Variants in TNRC6A observed in about 807,000 individuals in gnomAD.
The protein encoded by TNRC6A is trinucleotide repeat-containing gene 6A protein.
In TNRC6A, 44 loss-of-function variants were observed where a neutral mutation model predicts 221.2. That is an observed-to-expected ratio of 0.20 (90% CI 0.16 to 0.26). The LOEUF (loss-of-function observed/expected upper bound fraction) is 0.26. Among genes scored for constraint, TNRC6A ranks in the 10% least tolerant of loss-of-function variants. The pLI is 1.00. For missense variants in TNRC6A, 2,199 were observed against 2,404.4 expected, an observed-to-expected ratio of 0.91 and a Z score of 1.79; for synonymous variants, 847 against 838.5, an observed-to-expected ratio of 1.01 and a Z score of -0.18.
chr16:24,804,790 C>T lies in TNRC6A; in HGVS notation c.3923C>T (p.Pro1308Leu). ...CTTCCCCCTTCAAATAGTGCACTAC[C>T]TAACCAGGCCCTTGGCTCCATAGCA... is the stretch of plus-strand genomic sequence containing the variant. Reference protein sequence around the residue: ...MKLPPSNSALPNQALGSIAGL... With the variant: ...MKLPPSNSALLNQALGSIAGL... Residue 1308 changes from proline (P) to leucine (L), a missense_variant, in exon 13 of 25, where the codon CCT (proline) becomes CTT (leucine). Pro to Leu is a moderately conservative substitution (Grantham distance 98). Transcript: ENST00000395799. 1.9e-6 allele frequency: 3 copies of T among 1,611,492 alleles called. No individual in the cohort carries two copies. The highest frequency in any genetic ancestry group is 1.7e-6 in the Non-Finnish European group (2 of 1,179,472).
Position 24,804,799 on chromosome 16 carries a change from C to G in TNRC6A, c.3932C>G (p.Ala1311Gly), listed in dbSNP as rs761363682. 2 of 1,612,086 alleles carry G rather than the reference C, an allele frequency of 1.2e-6. No individual in the cohort carries two copies. Residue 1311 changes from alanine (A) to glycine (G), a missense_variant, in exon 13 of 25, where the codon GCC becomes GGC. By Grantham distance (60) the Ala-to-Gly change is moderately conservative. This residue lies in a region of TNRC6A where 158 missense variants were observed against 159.1 expected (regional missense o/e 0.99). Coordinates refer to ENST00000395799, the MANE Select transcript of TNRC6A (RefSeq NM_014494.4). ...PPSNSALPNQALGSIAGLGMQ... is the reference protein window; with the variant it reads ...PPSNSALPNQGLGSIAGLGMQ... ...TCAAATAGTGCACTACCTAACCAGG[C>G]CCTTGGCTCCATAGCAGGGCTGGGT...
chr16:24,758,211 A>C (rs568930842), intron 3 of TNRC6A, 128 bp from the exon 4 acceptor site: 1 of 889,944 alleles, frequency 1.1e-6, no homozygotes. Context: ...CAGTTCATCT[A>C]TTTGAGAAAT....
chr16:24,789,256 C>G lies in TNRC6A; in HGVS notation c.614C>G (p.Ser205Cys). The change falls in exon 6 of 25, where the codon TCC (serine) becomes TGC (cysteine). Residue 205 changes from serine (S) to cysteine (C), a missense_variant. Coordinates refer to ENST00000395799, the MANE Select transcript of TNRC6A (RefSeq NM_014494.4). The part of the protein sequence containing the change: ...QSDINHSTSG[S>C]HYENSQRGPV... ...GATATAAACCACAGTACTTCAGGAT[C>G]CCATTATGAAAATTCCCAGCGGGGA... The G allele has an allele frequency of 7.5e-6, 12 of 1,607,116 alleles. No individual in the cohort carries two copies. The highest frequency in any genetic ancestry group is 1.0e-5 in the Non-Finnish European group (12 of 1,176,320).
intron 14 of TNRC6A, 161 bp from the exon 15 acceptor site, chr16:24,805,444 G>T: frequency 9.3e-7 from 1 of 1,079,962 alleles, no homozygotes; most frequent in Non-Finnish European, 1.3e-6. Flanking sequence ...CCACGAAAAA[G>T]TGTAAGTGAG....
intron 15 of TNRC6A, 93 bp downstream of exon 15, chr16:24,805,826 C>G: frequency 1.3e-6 from 2 of 1,506,950 alleles, no homozygotes; most frequent in East Asian, 2.3e-5. Flanking sequence ...GTGCACTAAA[C>G]AAAACAGGCG....
At chr16:24,810,722 G>A (rs910878050) in intron 18 of TNRC6A, among the ~76,000 whole-genome samples, 1 of 152,166 alleles carries the variant, frequency 6.6e-6, no homozygotes, top group Non-Finnish European at 1.5e-5. Context: ...AGATGGAATA[G>A]TAGGTGTGGT....
chr16:24,781,668 T>C (rs1240984328), intron 5 of TNRC6A, among the ~76,000 whole-genome samples: 1 of 152,138 alleles, frequency 6.6e-6, no homozygotes, highest in African/African-American at 2.4e-5. Context: ...CTCTTTGTGT[T>C]GCCCCGTACC....
chr16:24,711,662 A>G (rs1176670414), intron 2 of TNRC6A, among the ~76,000 whole-genome samples: 2 of 144,122 alleles, frequency 1.4e-5, no homozygotes, highest in African/African-American at 5.5e-5. Context: ...GTATTTAAAT[A>G]GTTCCTTTTT....
chr16:24,714,532 C>T (rs2056276085), intron 2 of TNRC6A, among the ~76,000 whole-genome samples: 1 of 151,762 alleles, frequency 6.6e-6, no homozygotes. Flanking sequence ...GTCTCGATCT[C>T]CTGACCTGGT....
intron 18 of TNRC6A, among the ~76,000 whole-genome samples, chr16:24,811,786 A>G (rs984347209): frequency 2.0e-5 from 3 of 152,006 alleles, no homozygotes; most frequent in Non-Finnish European, 4.4e-5. Flanking sequence ...AAGCAGCCTC[A>G]AATGTATGAT....
intron 2 of TNRC6A, among the ~76,000 whole-genome samples, chr16:24,649,747 T>C (rs1902525815): frequency 6.6e-6 from 1 of 151,532 alleles, no homozygotes; most frequent in African/African-American, 2.4e-5. Context: ...CCAGTCTAAC[T>C]GAATTTTTGT....
At chr16:24,700,199 G>A (rs2055941873) in intron 2 of TNRC6A, among the ~76,000 whole-genome samples, 1 of 152,082 alleles carries the variant, frequency 6.6e-6, no homozygotes, top group African/African-American at 2.4e-5. Context: ...AGGAGTTCAA[G>A]ACCAGCCTGG....
chr16:24,804,215 A>T lies in TNRC6A; in HGVS notation c.3733A>T (p.Ser1245Cys). Residue 1245 changes from serine (S) to cysteine (C), a missense_variant, in exon 12 of 25, where the codon AGC becomes TGC. Ser to Cys is a moderately radical substitution (Grantham distance 112, BLOSUM62 -1). Coordinates refer to ENST00000395799, the MANE Select transcript of TNRC6A (RefSeq NM_014494.4). The part of the protein sequence containing the change: ...QDKRMEIDKH[S>C]LNIGDYNRTV... ...CAAACGAATGGAGATAGATAAACAT[A>T]GCCTAAATATTGGTGATTACAATCG... is the stretch of plus-strand genomic sequence containing the variant. The T allele has an allele frequency of 6.2e-7, 1 of 1,612,742 alleles. No individual in the cohort carries two copies.
chr16:24,662,663 C>T (rs1362581490), intron 2 of TNRC6A: 2 of 153,512 alleles, frequency 1.3e-5, no homozygotes, highest in Non-Finnish European at 2.9e-5. Context: ...ATCTACAGGG[C>T]CATTAGCAGT....
rs1398473171 is a variant in TNRC6A at position 24,815,270 on chromosome 16, C to T, written c.4796C>T (p.Ser1599Leu). 3 of 1,614,198 alleles carry T rather than the reference C, an allele frequency of 1.9e-6. No individual in the cohort carries two copies. Among genetic ancestry groups the T allele is most frequent in the East Asian group, 2.2e-5 (1 of 44,876 alleles). Residue 1599 changes from serine to leucine, a missense_variant, in exon 19 of 25, where the codon TCG (serine) becomes TTG (leucine). Physicochemically the swap from Ser to Leu is moderately radical, Grantham distance 145. Around this residue, in one of 8 missense-constraint regions of TNRC6A, gnomAD observed 449 missense variants for 579.7 expected, o/e 0.77. Transcript: ENST00000395799. ...GGAGATGGCTGGCCACGTGCCAAAT[C>T]GCCTAACGGCTCTAGCAGTGTTAAT... ...SIGDGWPRAK[S>L]PNGSSSVNWP... is the part of the protein sequence containing the mutation.
intron 2 of TNRC6A, among the ~76,000 whole-genome samples, chr16:24,742,342 A>C (rs1014345091): frequency 3.9e-5 from 6 of 152,194 alleles, no homozygotes; most frequent in Non-Finnish European, 7.4e-5. Flanking sequence ...TGACATTTGG[A>C]CCCAGGGGTC....
chr16:24,669,530 G>A (rs1270701696), intron 2 of TNRC6A, among the ~76,000 whole-genome samples: 4 of 151,770 alleles, frequency 2.6e-5, no homozygotes, highest in Non-Finnish European at 5.9e-5. Context: ...TTCCCTGGTT[G>A]TTTGTTGAGT....
intron 2 of TNRC6A, among the ~76,000 whole-genome samples, chr16:24,641,466 T>C (rs1901947919): frequency 6.6e-6 from 1 of 151,908 alleles, no homozygotes; most frequent in Non-Finnish European, 1.5e-5. Context: ...GTAGGAGGGG[T>C]CTGCTGGATC....
intron 2 of TNRC6A, among the ~76,000 whole-genome samples, chr16:24,666,668 A>AATATATATATATATAT (rs1555487102): frequency 1.7e-4 from 11 of 65,130 alleles, no homozygotes; most frequent in East Asian, 1.1e-3. Context: ...AAAAAAAAAA[A>AATATATATATATATAT]ATATATATAT....
Sources: allele counts gnomAD v4.1 joint callset (sites outside exome capture counted in the v4.1 genomes callset), GRCh38; gene constraint gnomAD v4.1.1; regional missense constraint gnomAD v4.1.1; transcripts MANE v1.5; gene names NCBI Gene and HGNC (gene_info 2026-07-23, HGNC 2026-07-21).